CAMK4: variants seen among roughly 807,000 people sequenced by gnomAD.
The protein encoded by CAMK4 is calcium/calmodulin dependent protein kinase IV, also known as calcium/calmodulin-dependent protein kinase type IV.
CAMK4 carries 22 observed loss-of-function variants against 44.9 expected under a neutral mutation model. The ratio of observed to expected loss-of-function variants is 0.49; its 90% confidence interval spans 0.35 to 0.70. The LOEUF (loss-of-function observed/expected upper bound fraction) is 0.70, where lower values mean the gene tolerates loss of function less well. CAMK4 is among the 30% of genes least tolerant of loss of function. The probability of loss-of-function intolerance (pLI) is 0.01; values close to 1 mark genes in which losing one functional copy is unlikely to be tolerated. For missense variants in CAMK4, 498 were observed against 586.8 expected (o/e 0.85, Z 1.56); for synonymous variants, 218 against 215.4 (o/e 1.01, Z -0.11).
At chr5:111,461,904 G>C (rs1051738549) in intron 7 of CAMK4, among the ~76,000 whole-genome samples, 5 of 149,238 alleles carry the variant, frequency 3.4e-5, no homozygotes, top group East Asian at 2.0e-4. Context: ...GCTTTTAGAT[G>C]CAAATAGATC....
intron 1 of CAMK4, among the ~76,000 whole-genome samples, chr5:111,238,482 C>T (rs140531432): frequency 2.0e-5 from 3 of 152,114 alleles, no homozygotes; most frequent in African/African-American, 7.2e-5. Context: ...AGAGAGTTCT[C>T]ATCAGAACCC....
chr5:111,436,142 T>C (rs1282742417), intron 5 of CAMK4, among the ~76,000 whole-genome samples: 5 of 152,172 alleles, frequency 3.3e-5, no homozygotes, highest in Non-Finnish European at 7.3e-5. Context: ...AAAATCTTAA[T>C]TGAGTAAGGA....
chr5:111,234,328 A>G (rs1200944619), intron 1 of CAMK4, among the ~76,000 whole-genome samples: 5 of 152,178 alleles, frequency 3.3e-5, no homozygotes, highest in African/African-American at 7.2e-5. Flanking sequence ...TACTTGATGA[A>G]CGGTTTTGAT....
rs191224832 is a variant in CAMK4, at chr5:111,272,566, A to G, written c.161+47922A>G. Among the ~76,000 whole-genome samples, 550 of 152,286 alleles carry G rather than the reference A, an allele frequency of 3.6e-3. 14 individuals are homozygous for G. Among genetic ancestry groups the G allele is most frequent in the Non-Finnish European group, 7.4e-4 (50 of 68,008 alleles). On this transcript the variant is annotated intron_variant, in intron 1 of 10. Coordinates refer to ENST00000282356, the MANE Select transcript of CAMK4 (RefSeq NM_001744.6). ...ATTTAACATATTCATATCATGTACT[A>G]TGGCAGTGTCTGTGAATTAGAAATT...
chr5:111,374,196 T>C (rs1303148700), intron 2 of CAMK4, among the ~76,000 whole-genome samples: 3 of 152,158 alleles, frequency 2.0e-5, no homozygotes, highest in South Asian at 2.1e-4. Context: ...AACTCAGCAA[T>C]ATTTTTTCCT....
chr5:111,336,570 T>C (rs1193101481), intron 1 of CAMK4, among the ~76,000 whole-genome samples: 1 of 151,048 alleles, frequency 6.6e-6, no homozygotes, highest in Admixed American at 6.6e-5. Context: ...ATTTCTAGTA[T>C]ACTTGTGTCC....
intron 2 of CAMK4, among the ~76,000 whole-genome samples, chr5:111,366,496 A>G (rs1750798911): frequency 6.6e-6 from 1 of 151,794 alleles, no homozygotes; most frequent in African/African-American, 2.4e-5. Context: ...CAGTTTATTC[A>G]CCCCCTTTCT....
At chr5:111,302,715 G>C (rs1289325421) in intron 1 of CAMK4, 2 of 62,538 alleles carry the variant, frequency 3.2e-5, no homozygotes, top group African/African-American at 1.8e-4. Context: ...CAAAGCAGCC[G>C]GGAAGCTCGA....
chr5:111,279,076 C>T (rs1750895116), intron 1 of CAMK4, among the ~76,000 whole-genome samples: 1 of 152,192 alleles, frequency 6.6e-6, no homozygotes, highest in African/African-American at 2.4e-5. Context: ...AATTTTGCAA[C>T]ACAGGGCCTG....
intron 1 of CAMK4, among the ~76,000 whole-genome samples, chr5:111,233,673 A>G (rs985931972): frequency 3.3e-5 from 5 of 152,166 alleles, no homozygotes; most frequent in African/African-American, 1.2e-4. Flanking sequence ...ATTTTCCTCT[A>G]ACTAGTAAAG....
chr5:111,378,824 A>G (rs1240558109), intron 4 of CAMK4, among the ~76,000 whole-genome samples: 2 of 152,142 alleles, frequency 1.3e-5, no homozygotes, highest in East Asian at 3.9e-4. Flanking sequence ...TGAACCTTAG[A>G]ACAAATTTGA....
intron 1 of CAMK4, among the ~76,000 whole-genome samples, chr5:111,314,161 G>A (rs1226576285): frequency 2.6e-5 from 4 of 152,060 alleles, no homozygotes; most frequent in African/African-American, 9.7e-5. Context: ...GGTATGGCTG[G>A]TACCTAGAGT....
intron 1 of CAMK4, among the ~76,000 whole-genome samples, chr5:111,299,594 A>T (rs1406243646): frequency 6.6e-6 from 1 of 152,198 alleles, no homozygotes; most frequent in Non-Finnish European, 1.5e-5. Flanking sequence ...TTCCACTTAT[A>T]TTGAATATAT....
At chr5:111,275,595 C>T (rs1483457994) in intron 1 of CAMK4, among the ~76,000 whole-genome samples, 1 of 151,830 alleles carries the variant, frequency 6.6e-6, no homozygotes, top group African/African-American at 2.4e-5. Flanking sequence ...CTTTATTTTG[C>T]TTTTAAAATA....
chr5:111,431,051 C>T (rs1275765402), intron 5 of CAMK4, among the ~76,000 whole-genome samples: 1 of 152,060 alleles, frequency 6.6e-6, no homozygotes, highest in Non-Finnish European at 1.5e-5. Context: ...AAAAAACCAC[C>T]TGGAGGAATC....
At chr5:111,370,932 C>CAAAAAT (rs1554065682) in intron 2 of CAMK4, among the ~76,000 whole-genome samples, 4 of 151,710 alleles carry the variant, frequency 2.6e-5, no homozygotes, top group South Asian at 2.1e-4. Context: ...AAAACAAAAA[C>CAAAAAT]AACGTGTATC....
chr5:111,465,453 AT>A (rs1416079745), intron 7 of CAMK4, among the ~76,000 whole-genome samples: 1 of 152,204 alleles, frequency 6.6e-6, no homozygotes, highest in African/African-American at 2.4e-5. Flanking sequence ...AAAGATAACC[AT>A]TAGCAAGATA....
At chr5:111,295,019 T>C (rs964357803) in intron 1 of CAMK4, among the ~76,000 whole-genome samples, 1 of 152,218 alleles carries the variant, frequency 6.6e-6, no homozygotes, top group Non-Finnish European at 1.5e-5. Context: ...CAAATTTTAT[T>C]TTAGAAATAT....
At chr5:111,247,637 C>T (rs1047673450) in intron 1 of CAMK4, among the ~76,000 whole-genome samples, 7 of 151,806 alleles carry the variant, frequency 4.6e-5, no homozygotes, top group Non-Finnish European at 1.0e-4. Context: ...AATACTATAG[C>T]TTTGAGGTAG....
Sources: allele counts gnomAD v4.1 joint callset (sites outside exome capture counted in the v4.1 genomes callset), GRCh38; gene constraint gnomAD v4.1.1; transcripts MANE v1.5; gene names NCBI Gene and HGNC (gene_info 2026-07-23, HGNC 2026-07-21).